CNTN4: variants seen among roughly 807,000 people sequenced by gnomAD.
CNTN4 encodes the protein contactin-4.
A neutral mutation model predicts 122.5 loss-of-function variants in CNTN4; 77 were observed. The ratio of observed to expected loss-of-function variants is 0.63; its 90% CI spans 0.52 to 0.76. CNTN4 has a LOEUF of 0.76. Ranked by LOEUF, CNTN4 falls within the 30% of genes least tolerant of loss-of-function variation. CNTN4 has a pLI of 0.00. For missense variants in CNTN4, 1,256 were observed against 1,259.1 expected (o/e 1.00, Z 0.04); for synonymous variants, 512 against 447.0 (o/e 1.15, Z -1.83).
intron 2 of CNTN4, among the ~76,000 whole-genome samples, chr3:2,192,851 TTTG>T (rs1380471417): frequency 5.9e-5 from 9 of 152,236 alleles, no homozygotes; most frequent in Non-Finnish European, 1.0e-4. Context: ...AGGTCAAACA[TTTG>T]TTGTTGTCAT....
At chr3:2,811,137 C>T (rs769832744) in intron 6 of CNTN4, among the ~76,000 whole-genome samples, 3 of 152,008 alleles carry the variant, frequency 2.0e-5, no homozygotes, top group East Asian at 1.9e-4. Context: ...CGGCCAGGTG[C>T]GGTGGCTCAC....
At chr3:2,532,699 T>C (rs2077642790) in intron 3 of CNTN4, among the ~76,000 whole-genome samples, 2 of 152,188 alleles carry the variant, frequency 1.3e-5, no homozygotes, top group African/African-American at 4.8e-5. Context: ...CTATTGTAAA[T>C]ATTCATTTAA....
intron 2 of CNTN4, among the ~76,000 whole-genome samples, chr3:2,137,129 A>G (rs935764018): frequency 6.6e-6 from 1 of 152,150 alleles, no homozygotes; most frequent in African/African-American, 2.4e-5. Context: ...TTCTCTAGCC[A>G]GGGCACCCAT....
chr3:2,555,710 A>G (rs1004267230), intron 3 of CNTN4, among the ~76,000 whole-genome samples: 1 of 152,136 alleles, frequency 6.6e-6, no homozygotes, highest in Non-Finnish European at 1.5e-5. Flanking sequence ...GCATAGTACA[A>G]CTCTAATATA....
At chr3:2,265,585 T>G (rs2041010378) in intron 2 of CNTN4, among the ~76,000 whole-genome samples, 1 of 152,092 alleles carries the variant, frequency 6.6e-6, no homozygotes, top group South Asian at 2.1e-4. Context: ...TAGGATTGTA[T>G]TTTTCATTTT....
intron 13 of CNTN4, among the ~76,000 whole-genome samples, chr3:2,967,352 T>C (rs953020043): frequency 1.3e-5 from 2 of 152,162 alleles, no homozygotes; most frequent in African/African-American, 4.8e-5. Context: ...AATAGTGATA[T>C]TATCCCCAAG....
intron 2 of CNTN4, among the ~76,000 whole-genome samples, chr3:2,254,713 A>G (rs897916198): frequency 1.3e-5 from 2 of 151,946 alleles, no homozygotes; most frequent in South Asian, 4.2e-4. Flanking sequence ...TGTTCATATC[A>G]TTTGCCCACT....
chr3:2,374,212 A>C (rs1272266854), intron 3 of CNTN4, among the ~76,000 whole-genome samples: 1 of 152,128 alleles, frequency 6.6e-6, no homozygotes, highest in Non-Finnish European at 1.5e-5. Flanking sequence ...TTGTGGAATG[A>C]ATTGGCTTGT....
intron 14 of CNTN4, chr3:3,009,128 G>A (rs1574806301): frequency 1.5e-6 from 1 of 661,192 alleles, no homozygotes; most frequent in Non-Finnish European, 1.9e-6. Flanking sequence ...CTGGAGAGTA[G>A]GGGCCAATGT....
chr3:2,417,441 C>T (rs1405971600), intron 3 of CNTN4, among the ~76,000 whole-genome samples: 1 of 152,214 alleles, frequency 6.6e-6, no homozygotes, highest in Non-Finnish European at 1.5e-5. Flanking sequence ...TTGCACTGAG[C>T]TCTTTCCTGC....
chr3:2,569,958 GC>G (rs1441169921), intron 3 of CNTN4, among the ~76,000 whole-genome samples: 1 of 152,034 alleles, frequency 6.6e-6, no homozygotes, highest in Admixed American at 6.6e-5. Flanking sequence ...TAGAGACTGT[GC>G]CTTGTTCCTC....
chr3:2,881,242 G>A (rs1398166586), intron 8 of CNTN4, among the ~76,000 whole-genome samples: 2 of 152,154 alleles, frequency 1.3e-5, no homozygotes, highest in African/African-American at 2.4e-5. Context: ...GTGGGGTGCG[G>A]TGGCTCATGC....
At chr3:2,456,463 TATTTTCATCACC>T (rs2049006179) in intron 3 of CNTN4, among the ~76,000 whole-genome samples, 1 of 152,152 alleles carries the variant, frequency 6.6e-6, no homozygotes, top group African/African-American at 2.4e-5. Flanking sequence ...AGTCCTAAAA[TATTTTCATCACC>T]TTCAAATAAA....
At chr3:2,107,552 A>G (rs547474950) in intron 2 of CNTN4, among the ~76,000 whole-genome samples, 91 of 152,278 alleles carry the variant, frequency 6.0e-4, no homozygotes, top group African/African-American at 2.2e-3. Context: ...TCACCTCCCA[A>G]TCACCACCCT....
intron 3 of CNTN4, among the ~76,000 whole-genome samples, chr3:2,499,238 G>A (rs1188753091): frequency 6.6e-6 from 1 of 152,172 alleles, no homozygotes; most frequent in Non-Finnish European, 1.5e-5. Flanking sequence ...GATTTAGGTT[G>A]ATATTCATTT....
At position 2,769,202 on chromosome 3, in the gene CNTN4, A is replaced by T. The variant is rs191408149; in HGVS notation, c.358+23505A>T. On this transcript the variant is annotated intron_variant, in intron 6 of 24. Coordinates refer to ENST00000418658, the MANE Select transcript of CNTN4 (RefSeq NM_175607.3). The stretch of plus-strand genomic sequence containing the variant: ...AAGGTGGCCAGGCACGGTGGCTCAC[A>T]CGTGTAATCCCAGCACTTTGGGAGG... Among the ~76,000 whole-genome samples, 180 of 152,230 alleles carry T rather than the reference A, an allele frequency of 1.2e-3. 1 individual carries two copies. The East Asian group carries it at 0.03, about 25-fold the overall frequency.
At chr3:2,755,991 C>T (rs1291369789) in intron 6 of CNTN4, among the ~76,000 whole-genome samples, 1 of 152,106 alleles carries the variant, frequency 6.6e-6, no homozygotes, top group Admixed American at 6.5e-5. Context: ...AATTTTTAGG[C>T]ACTGAAGGTC....
At chr3:2,459,385 C>A (rs2049120079) in intron 3 of CNTN4, among the ~76,000 whole-genome samples, 1 of 152,066 alleles carries the variant, frequency 6.6e-6, no homozygotes. Context: ...AACTTGAAAA[C>A]CAGAAAAATG....
intron 18 of CNTN4, 54 bp from the exon 19 acceptor site, chr3:3,038,879 G>C: frequency 6.7e-7 from 1 of 1,482,420 alleles, no homozygotes; most frequent in Non-Finnish European, 9.4e-7. Context: ...AACCTTCCTG[G>C]CCCTCATTCG....
Sources: allele counts gnomAD v4.1 joint callset (sites outside exome capture counted in the v4.1 genomes callset), GRCh38; gene constraint gnomAD v4.1.1; transcripts MANE v1.5; gene names NCBI Gene and HGNC (gene_info 2026-07-23, HGNC 2026-07-21).